The following WWP2 variants were observed in gnomAD, a reference collection of about 807,000 sequenced individuals.
The protein encoded by WWP2 is NEDD4-like E3 ubiquitin-protein ligase WWP2.
WWP2 carries 57 observed loss-of-function variants against 121.0 expected under a neutral mutation model. The observed-to-expected ratio is 0.47, with a 90% CI of 0.38 to 0.59. The LOEUF is 0.59. Among genes scored for constraint, WWP2 ranks in the 20% least tolerant of loss-of-function variants. The pLI is 0.00. For synonymous variants in WWP2, 449 were observed against 441.3 expected, an observed-to-expected ratio of 1.02 and a Z score of -0.22; for missense variants, 962 against 1,158.9, an observed-to-expected ratio of 0.83 and a Z score of 2.47.
rs1484206851 is a variant in WWP2, at chr16:69,883,404, A to G, written c.704-4635A>G. Among the ~76,000 whole-genome samples, 315 of 121,430 alleles carry G rather than the reference A, an allele frequency of 2.6e-3. 4 individuals are homozygous for G. Among genetic ancestry groups the G allele is most frequent in the African/African-American group, 0.011 (295 of 26,570 alleles). 79.7% of individuals were successfully genotyped at this position (121,430 alleles called of 152,430 possible). On this transcript the variant is annotated intron_variant, in intron 7 of 23. Coordinates refer to ENST00000359154, the MANE Select transcript of WWP2 (RefSeq NM_001270454.2). ...TTTCATGTTCTAAGAATGTGCGCAC[A>G]CACACACACACACACACACACACTC...
chr16:69,780,860 T>A (rs4619391), intron 1 of WWP2, among the ~76,000 whole-genome samples: 131,152 of 152,070 alleles, frequency 0.86, 56,794 homozygotes, highest in Admixed American at 0.92. Flanking sequence ...ATACATAAAT[T>A]AATAAAAAAG....
At chr16:69,802,268 A>T (rs1026106644) in intron 4 of WWP2, among the ~76,000 whole-genome samples, 1 of 152,196 alleles carries the variant, frequency 6.6e-6, no homozygotes, top group African/African-American at 2.4e-5. Flanking sequence ...ATGATGTAAA[A>T]TTAATCACGT....
intron 4 of WWP2, among the ~76,000 whole-genome samples, chr16:69,831,389 G>T (rs1012418124): frequency 6.6e-6 from 1 of 152,152 alleles, no homozygotes; most frequent in Non-Finnish European, 1.5e-5. Context: ...CCAGGCAAGA[G>T]TTCTGGATTT....
At chr16:69,826,628 C>G (rs2056698019) in intron 4 of WWP2, among the ~76,000 whole-genome samples, 1 of 149,768 alleles carries the variant, frequency 6.7e-6, no homozygotes, top group African/African-American at 2.5e-5. Flanking sequence ...GCCTGTAATC[C>G]CAGCACTTTG....
chr16:69,765,857 T>C (rs1003135343), intron 1 of WWP2, among the ~76,000 whole-genome samples: 1 of 151,810 alleles, frequency 6.6e-6, no homozygotes, highest in East Asian at 1.9e-4. Flanking sequence ...GGGGCGGGGG[T>C]TCTCACTTTT....
At chr16:69,792,855 C>T (rs1309177813) in intron 2 of WWP2, among the ~76,000 whole-genome samples, 3 of 152,106 alleles carry the variant, frequency 2.0e-5, no homozygotes, top group African/African-American at 7.2e-5. Flanking sequence ...CTACACCTGG[C>T]TAATATTTTA....
intron 1 of WWP2, among the ~76,000 whole-genome samples, chr16:69,781,072 T>C (rs2055654135): frequency 6.6e-6 from 1 of 152,026 alleles, no homozygotes; most frequent in East Asian, 1.9e-4. Flanking sequence ...CAGAACTTAT[T>C]AACATTAGTG....
intron 6 of WWP2, among the ~76,000 whole-genome samples, chr16:69,849,450 A>G (rs1475749194): frequency 6.6e-6 from 1 of 151,724 alleles, no homozygotes; most frequent in Non-Finnish European, 1.5e-5. Context: ...GCTGGGGAAG[A>G]CAATGGAATA....
Position 69,897,008 on chromosome 16 carries a change from C to G in WWP2, c.914+8759C>G, listed in dbSNP as rs143470742. Among the ~76,000 whole-genome samples the G allele has an allele frequency of 7.9e-5, 12 of 152,166 alleles. 1 individual carries two copies. Among genetic ancestry groups the G allele is most frequent in the African/African-American group, 2.6e-4 (11 of 41,526 alleles). On this transcript the variant is annotated intron_variant, in intron 8 of 23. Transcript: ENST00000359154. ...TTTATTGTAAAATATTGTAAGCATG[C>G]AGATACAAATGGAGAAGAATGTAAA...
At chr16:69,919,540 C>T (rs139600416) in intron 10 of WWP2, among the ~76,000 whole-genome samples, 7 of 152,230 alleles carry the variant, frequency 4.6e-5, no homozygotes, top group East Asian at 3.9e-4. Flanking sequence ...TCTCCTATAC[C>T]GTGTCCCTGT....
At chr16:69,833,096 C>G (rs1252236576) in intron 4 of WWP2, among the ~76,000 whole-genome samples, 1 of 148,906 alleles carries the variant, frequency 6.7e-6, no homozygotes, top group Non-Finnish European at 1.5e-5. Flanking sequence ...TGGACTCAAG[C>G]GAGCCCCCTG....
intron 7 of WWP2, among the ~76,000 whole-genome samples, chr16:69,875,021 CAA>C (rs11449005): frequency 6.8e-6 from 1 of 147,806 alleles, no homozygotes. Flanking sequence ...GACCTTGTGT[CAA>C]AAAAAAAAAA....
At chr16:69,803,099 G>C (rs576021019) in intron 4 of WWP2, among the ~76,000 whole-genome samples, 3 of 149,406 alleles carry the variant, frequency 2.0e-5, no homozygotes, top group African/African-American at 7.4e-5. Context: ...AAAAAAAAAA[G>C]CCTTTTTTTT....
At chr16:69,848,883 C>T (rs1474876255) in intron 6 of WWP2, among the ~76,000 whole-genome samples, 1 of 152,138 alleles carries the variant, frequency 6.6e-6, no homozygotes, top group Non-Finnish European at 1.5e-5. Flanking sequence ...ATGTCTTTCC[C>T]AGTGATTTTT....
chr16:69,857,809 G>A (rs1308826541), intron 6 of WWP2, among the ~76,000 whole-genome samples: 1 of 151,882 alleles, frequency 6.6e-6, no homozygotes, highest in African/African-American at 2.4e-5. Context: ...CTACAGGTGT[G>A]CGCCACCATG....
Position 69,917,998 on chromosome 16 carries a change from G to A in WWP2, c.1179+115G>A, listed in dbSNP as rs571581172. 46 of 1,319,850 alleles carry A rather than the reference G, an allele frequency of 3.5e-5. No homozygotes were observed. In the African/African-American group the frequency reaches 5.0e-4, roughly 14 times the overall value. 81.8% of individuals were successfully genotyped at this position (1,319,850 alleles called of 1,614,324 possible). A position where few individuals can be genotyped will look rare whatever the true frequency, so the allele number is the denominator to read the frequency against. On this transcript the variant is annotated intron_variant, in intron 10 of 23. Coordinates refer to ENST00000359154, the MANE Select transcript of WWP2 (RefSeq NM_001270454.2). ...AGCAGGGAAAACAGCGTCTGGCAAC[G>A]TCAGTGCTCTGCCCCTGGAGATTTT...
intron 4 of WWP2, among the ~76,000 whole-genome samples, chr16:69,812,959 G>C (rs1567680044): frequency 6.6e-6 from 1 of 152,110 alleles, no homozygotes; most frequent in Non-Finnish European, 1.5e-5. Context: ...TCACCTGCTA[G>C]TTTCTGCATC....
chr16:69,862,922 C>A (rs1013380148), intron 6 of WWP2, among the ~76,000 whole-genome samples: 1 of 151,830 alleles, frequency 6.6e-6, no homozygotes, highest in Admixed American at 6.6e-5. Context: ...GAGACGAGGT[C>A]TCCCTGTGCT....
intron 18 of WWP2, 116 bp downstream of exon 18, chr16:69,936,102 G>A: frequency 6.7e-7 from 1 of 1,496,942 alleles, no homozygotes; most frequent in Non-Finnish European, 9.0e-7. Flanking sequence ...CTCTTTTCCA[G>A]CCTCTATAAG....
Sources: gnomAD v4.1 joint callset for allele counts (sites outside exome capture counted in the v4.1 genomes callset) on GRCh38, gnomAD v4.1.1 for gene constraint, MANE v1.5 for transcripts, NCBI Gene and HGNC (gene_info 2026-07-23, HGNC 2026-07-21) for gene names.